KDM3B: variants seen among roughly 807,000 people sequenced by gnomAD.
KDM3B encodes the protein lysine-specific demethylase 3B.
In KDM3B, 10 loss-of-function variants were observed where a neutral mutation model predicts 170.0. That is an observed-to-expected ratio of 0.06 (90% CI 0.04 to 0.10). The LOEUF is 0.10. Ranked by LOEUF, KDM3B falls within the 10% of genes least tolerant of loss-of-function variation. KDM3B has a pLI of 1.00. For missense variants in KDM3B, 1,394 were observed against 2,195.2 expected (o/e 0.64, Z 7.29); for synonymous variants, 831 against 834.8 (o/e 1.00, Z 0.08).
intron 1 of KDM3B, among the ~76,000 whole-genome samples, chr5:138,355,488 G>C (rs922120149): frequency 6.6e-6 from 1 of 152,280 alleles, no homozygotes; most frequent in Non-Finnish European, 1.5e-5. Flanking sequence ...TGTTGATAAG[G>C]TTCTCATAGG....
At chr5:138,395,009 A>C (rs746427640) in intron 9 of KDM3B, among the ~76,000 whole-genome samples, 1 of 152,202 alleles carries the variant, frequency 6.6e-6, no homozygotes, top group Non-Finnish European at 1.5e-5. Context: ...GGTTCTAGAT[A>C]TGTCTTTTGG....
chr5:138,375,107 T>C lies in KDM3B; in HGVS notation c.375T>C (p.Leu125=). 1 of 1,608,042 alleles carries C rather than the reference T, an allele frequency of 6.2e-7. No homozygotes were observed. The highest frequency in any genetic ancestry group is 1.1e-5 in the South Asian group (1 of 90,936). The stretch of plus-strand genomic sequence containing the variant: ...GTACTTCACAGACTTTTACTCCCCT[T>C]GTAGATAAACTGGGTTTGGGTTCTG... ...AQWPALTFTP[L]VDKLGLGSVV... The change falls in exon 3 of 24, where the codon CTT becomes CTC. Residue 125 remains leucine, a synonymous_variant. Coordinates refer to ENST00000314358, the MANE Select transcript of KDM3B (RefSeq NM_016604.4).
chr5:138,397,884 G>A lies in KDM3B; in HGVS notation c.2832-294G>A, dbSNP rs571508407. The A allele has an allele frequency of 1.4e-5, 3 of 208,544 alleles. No homozygotes were observed. In the East Asian group the frequency reaches 3.1e-4, roughly 22 times the overall value. The allele number at this position is 208,544 out of a possible 1,614,324, so 12.9% of individuals were successfully genotyped here. On this transcript the variant is annotated intron_variant, in intron 9 of 23. Transcript: ENST00000314358. The stretch of plus-strand genomic sequence containing the variant: ...TTAAAAAAAAAAAAAAAATTGGAAA[G>A]TAGGTCTGTGTTTTTATCTGGTCAC...
At chr5:138,384,110 G>C (rs1246211952) in intron 6 of KDM3B, among the ~76,000 whole-genome samples, 1 of 151,764 alleles carries the variant, frequency 6.6e-6, no homozygotes, top group African/African-American at 2.4e-5. Context: ...GCCGGGCGCG[G>C]TGGCGGGCAC....
intron 9 of KDM3B, among the ~76,000 whole-genome samples, chr5:138,395,999 G>T (rs115264235): frequency 4.6e-5 from 7 of 152,290 alleles, no homozygotes; most frequent in Non-Finnish European, 1.0e-4. Context: ...ATTTAGCAAG[G>T]TAGAATTACC....
intron 7 of KDM3B, among the ~76,000 whole-genome samples, chr5:138,388,032 G>T (rs1036468845): frequency 1.3e-5 from 2 of 151,322 alleles, no homozygotes; most frequent in African/African-American, 4.9e-5. Context: ...AGTGAGCCGA[G>T]ATTGTGCCAC....
chr5:138,365,195 C>T (rs1761713940), intron 1 of KDM3B, among the ~76,000 whole-genome samples: 1 of 152,152 alleles, frequency 6.6e-6, no homozygotes, highest in Non-Finnish European at 1.5e-5. Flanking sequence ...CAATCATCAC[C>T]ATATCCTGTT....
intron 16 of KDM3B, 92 bp from the exon 17 acceptor site, chr5:138,425,319 G>C: frequency 3.6e-6 from 4 of 1,124,298 alleles, no homozygotes; most frequent in Non-Finnish European, 5.1e-6. Flanking sequence ...AGAAGAGGAG[G>C]CCCTCCTCAG....
intron 11 of KDM3B, among the ~76,000 whole-genome samples, chr5:138,401,484 CT>C (rs1406855109): frequency 6.6e-6 from 1 of 152,146 alleles, no homozygotes; most frequent in Non-Finnish European, 1.5e-5. Flanking sequence ...AATAATACTC[CT>C]TTTTTGGATA....
chr5:138,418,925 C>CT (rs1179556418), intron 13 of KDM3B, 28 bp from the exon 14 acceptor site: 1 of 1,607,996 alleles, frequency 6.2e-7, no homozygotes, highest in Non-Finnish European at 8.5e-7. Context: ...GCACAGCACT[C>CT]TAATTATGTT....
chr5:138,362,551 T>TACAC (rs370412367), intron 1 of KDM3B, among the ~76,000 whole-genome samples: 5,235 of 124,646 alleles, frequency 0.042, 109 homozygotes, highest in African/African-American at 0.065. Flanking sequence ...TATATGTGTA[T>TACAC]ACACACACAC....
Position 138,436,435 on chromosome 5 carries a change from T to C in KDM3B, c.*735T>C, listed in dbSNP as rs922136554. On this transcript the variant is annotated 3_prime_UTR_variant, in exon 24 of 24. Transcript: ENST00000314358. ...GTCTTCCTTTCGATATAAAACTCTT[T>C]GAAGAAATATGATTTTTAGAAATCA... 6.6e-6 allele frequency: 1 copy of C among 152,198 alleles called. No homozygotes were observed. The highest frequency in any genetic ancestry group is 2.4e-5 in the African/African-American group (1 of 41,422). The allele number at this position is 152,198 out of a possible 1,614,324, so 9.4% of individuals were successfully genotyped here.
chr5:138,358,217 A>T (rs886332215), intron 1 of KDM3B, among the ~76,000 whole-genome samples: 10 of 150,540 alleles, frequency 6.6e-5, no homozygotes, highest in African/African-American at 2.0e-4. Context: ...TCCTGACCTT[A>T]GGTGATCTGC....
At chr5:138,390,899 A>G in intron 7 of KDM3B, 114 bp from the exon 8 acceptor site, 1 of 1,016,364 alleles carries the variant, frequency 9.8e-7, no homozygotes. Flanking sequence ...TGTAAAAGAG[A>G]AAAGTTGATG....
chr5:138,396,933 C>A (rs1340570738), intron 9 of KDM3B, among the ~76,000 whole-genome samples: 1 of 152,152 alleles, frequency 6.6e-6, no homozygotes, highest in African/African-American at 2.4e-5. Flanking sequence ...TGCCTATAAT[C>A]CCTACACTTT....
At chr5:138,427,846 A>C in intron 19 of KDM3B, 121 bp from the exon 20 acceptor site, 6 of 818,150 alleles carry the variant, frequency 7.3e-6, no homozygotes, top group Non-Finnish European at 1.2e-5. Flanking sequence ...AAACAAATAG[A>C]CTTCACTCTC....
At chr5:138,384,078 A>G (rs1366686932) in intron 6 of KDM3B, among the ~76,000 whole-genome samples, 3 of 146,786 alleles carry the variant, frequency 2.0e-5, no homozygotes, top group Non-Finnish European at 4.5e-5. Flanking sequence ...CCCCATCTCT[A>G]CTAAAAATAC....
intron 11 of KDM3B, among the ~76,000 whole-genome samples, chr5:138,409,403 C>G (rs2126975663): frequency 6.6e-6 from 1 of 152,154 alleles, no homozygotes; most frequent in East Asian, 1.9e-4. Context: ...TAGCAATGAA[C>G]AATTAGAAAT....
At chr5:138,354,819 T>C (rs558028187) in intron 1 of KDM3B, among the ~76,000 whole-genome samples, 91 of 152,366 alleles carry the variant, frequency 6.0e-4, no homozygotes, top group African/African-American at 2.1e-3. Flanking sequence ...CAAAGGCAGG[T>C]TTGTATTTTG....
Sources: allele counts gnomAD v4.1 joint callset (sites outside exome capture counted in the v4.1 genomes callset), GRCh38; gene constraint gnomAD v4.1.1; transcripts MANE v1.5; gene names NCBI Gene and HGNC (gene_info 2026-07-23, HGNC 2026-07-21).